ATP13A5: variants seen among roughly 807,000 people sequenced by gnomAD.
ATP13A5 encodes the protein ATPase 13A5, also known as probable cation-transporting ATPase 13A5.
Under a neutral mutation model 150.2 loss-of-function variants are expected in ATP13A5, and 149 were observed. The ratio of observed to expected loss-of-function variants is 0.99; its 90% CI spans 0.87 to 1.14. ATP13A5 has a LOEUF of 1.14. Ranked by LOEUF, ATP13A5 falls within the 50% of genes most tolerant of loss-of-function variation. The pLI is 0.00. For missense variants in ATP13A5, 1,383 were observed against 1,449.3 expected (o/e 0.95, Z 0.74); for synonymous variants, 497 against 522.2 (o/e 0.95, Z 0.66).
At chr3:193,361,402 C>A (rs190766835) in intron 5 of ATP13A5, among the ~76,000 whole-genome samples, 120 of 152,214 alleles carry the variant, frequency 7.9e-4, no homozygotes, top group Non-Finnish European at 1.1e-3. Flanking sequence ...GGGTTGCTTG[C>A]TAAAAATGGG....
At chr3:193,312,782 GT>G (rs1553813883) in intron 19 of ATP13A5, 3 of 152,144 alleles carry the variant, frequency 2.0e-5, no homozygotes, top group Non-Finnish European at 4.4e-5. Flanking sequence ...AAAAATTGCT[GT>G]GCTGAATTGG....
At chr3:193,344,681 G>A (rs1712261931) in intron 8 of ATP13A5, among the ~76,000 whole-genome samples, 1 of 152,158 alleles carries the variant, frequency 6.6e-6, no homozygotes. Flanking sequence ...ACATGTGAAG[G>A]GGAGAGGGAA....
chr3:193,321,636 AAAAAC>A, intron 16 of ATP13A5, 40 bp downstream of exon 16: 1 of 1,601,680 alleles, frequency 6.2e-7, no homozygotes, highest in Non-Finnish European at 8.5e-7. Context: ...GTCTCAAAGA[AAAAAC>A]AAAAGTATTT....
rs1425705533 is a variant in ATP13A5 at position 193,321,898 on chromosome 3, A to G, written c.1759-61T>C. On this transcript the variant is annotated intron_variant, in intron 15 of 29. Transcript: ENST00000342358. ...TGCTAAGTGATATTTCCAAATGCAT[A>G]CCAACAAAAGGGCTTTACTGTGCAA... The G allele has an allele frequency of 3.2e-6, 5 of 1,575,878 alleles. No individual in the cohort carries two copies. The African/African-American group carries it at 4.1e-5, about 13-fold the overall frequency.
chr3:193,324,641 AAAC>A (rs1161836745), intron 14 of ATP13A5, among the ~76,000 whole-genome samples: 1 of 152,242 alleles, frequency 6.6e-6, no homozygotes, highest in Admixed American at 6.5e-5. Flanking sequence ...AACTTTGTTT[AAAC>A]AACAGTTCCC....
intron 26 of ATP13A5, among the ~76,000 whole-genome samples, 162 bp downstream of exon 26, chr3:193,289,723 T>C (rs1484361170): frequency 6.6e-6 from 1 of 151,962 alleles, no homozygotes; most frequent in Non-Finnish European, 1.5e-5. Context: ...TCCACCCCAG[T>C]AGTCCATGGA....
At chr3:193,378,574 T>C (rs1713724079) in intron 1 of ATP13A5, 89 bp downstream of exon 1, 1 of 1,174,416 alleles carries the variant, frequency 8.5e-7, no homozygotes, top group South Asian at 1.3e-5. Context: ...GAAGCATAAA[T>C]GCTACACTCT....
chr3:193,319,670 A>G (rs1239297549), intron 16 of ATP13A5, among the ~76,000 whole-genome samples: 2 of 152,184 alleles, frequency 1.3e-5, no homozygotes, highest in Non-Finnish European at 2.9e-5. Context: ...ACTCAGACAA[A>G]CTGGGTGTCA....
intron 27 of ATP13A5, among the ~76,000 whole-genome samples, chr3:193,280,197 C>T (rs963915437): frequency 6.6e-6 from 1 of 151,902 alleles, no homozygotes; most frequent in Non-Finnish European, 1.5e-5. Flanking sequence ...ACTACAGGCG[C>T]CCACCACCAT....
chr3:193,285,032 A>T lies in ATP13A5; in HGVS notation c.3108T>A (p.Pro1036=). The T allele has an allele frequency of 7.4e-6, 12 of 1,614,126 alleles. No homozygotes were observed. Among genetic ancestry groups the T allele is most frequent in the Non-Finnish European group, 1.0e-5 (12 of 1,179,970 alleles). Reference sequence around the variant, plus strand: ...TGGTCTCAAAACTTAAAATTGAACCAGGAATCAGAGTTGCATTTCCAGTCC... The same window carrying T: ...TGGTCTCAAAACTTAAAATTGAACCTGGAATCAGAGTTGCATTTCCAGTCC... ...RNWTGNATLI[P]GSILSFETTT... Residue 1036 remains proline, a synonymous_variant, in exon 27 of 30, where the codon CCT becomes CCA. Coordinates refer to ENST00000342358, the MANE Select transcript of ATP13A5 (RefSeq NM_198505.4).
At chr3:193,300,500 C>T (rs983719891) in intron 24 of ATP13A5, among the ~76,000 whole-genome samples, 28 of 152,120 alleles carry the variant, frequency 1.8e-4, no homozygotes, top group Non-Finnish European at 4.0e-4. Context: ...AATCTTGTGG[C>T]CCTCTTATTC....
Position 193,331,227 on chromosome 3 carries a change from C to T in ATP13A5, c.1357G>A (p.Gly453Ser). The T allele has an allele frequency of 6.2e-7, 1 of 1,614,048 alleles. No homozygotes were observed. ...PPVLPAALTIGNVYAQKRLKK... is the reference protein window; with the variant it reads ...PPVLPAALTISNVYAQKRLKK... ...AGTCTCTTCTGAGCATACACGTTGC[C>T]TATGGTCAGGGCAGCTGGCAGCACT... The change falls in exon 12 of 30, where the codon GGC becomes AGC. Residue 453 changes from glycine to serine, a missense_variant. Physicochemically the swap from Gly to Ser is moderately conservative, Grantham distance 56 (BLOSUM62 0). This residue lies in a region of ATP13A5 where 787 missense variants were observed against 771.9 expected (regional missense o/e 1.02). Transcript: ENST00000342358.
At chr3:193,362,761 CTTTCTTTCTTTCT>C (rs1713072528) in intron 3 of ATP13A5, 124 bp from the exon 4 acceptor site, 2 of 133,588 alleles carry the variant, frequency 1.5e-5, no homozygotes, top group African/African-American at 1.0e-4. Context: ...TTCTTTCTTT[CTTTCTTTCTTTCT>C]TTCTTTCTTT....
intron 9 of ATP13A5, among the ~76,000 whole-genome samples, chr3:193,338,483 G>C (rs1049397013): frequency 6.6e-6 from 1 of 152,184 alleles, no homozygotes; most frequent in Non-Finnish European, 1.5e-5. Context: ...TGCATCTCTT[G>C]AGATAATCAT....
intron 18 of ATP13A5, 104 bp downstream of exon 18, chr3:193,314,868 A>G: frequency 6.9e-7 from 1 of 1,447,374 alleles, no homozygotes; most frequent in Non-Finnish European, 9.4e-7. Flanking sequence ...CGACAACAGA[A>G]CATTTTTCCC....
At chr3:193,286,668 C>T (rs1248183076) in intron 26 of ATP13A5, among the ~76,000 whole-genome samples, 1 of 152,170 alleles carries the variant, frequency 6.6e-6, no homozygotes, top group Non-Finnish European at 1.5e-5. Flanking sequence ...CTCTCTTCCT[C>T]TCCTGGGGCC....
rs544560095 is a variant in ATP13A5 at position 193,303,793 on chromosome 3, G to A, written c.2678+1766C>T. 2.5e-3 allele frequency among the ~76,000 whole-genome samples: 377 copies of A among 150,778 alleles called. 2 individuals carry two copies. Among genetic ancestry groups the A allele is most frequent in the Non-Finnish European group, 3.4e-3 (232 of 67,866 alleles). On this transcript the variant is annotated intron_variant, in intron 23 of 29. Transcript: ENST00000342358. ...ATCCACTTCATTTGTATGTGTGTGT[G>A]TATATAAATATATATACACACACAC...
intron 16 of ATP13A5, among the ~76,000 whole-genome samples, chr3:193,321,221 C>T (rs1181956813): frequency 6.6e-6 from 1 of 152,206 alleles, no homozygotes; most frequent in African/African-American, 2.4e-5. Context: ...TGCCTCCCAG[C>T]CTTGAAATTA....
chr3:193,348,867 T>C (rs1412701163), intron 7 of ATP13A5, among the ~76,000 whole-genome samples: 3 of 152,168 alleles, frequency 2.0e-5, no homozygotes, highest in East Asian at 1.9e-4. Flanking sequence ...AATGGGACAG[T>C]GTGTATGTAG....
Sources: gnomAD v4.1 joint callset for allele counts (sites outside exome capture counted in the v4.1 genomes callset) on GRCh38, gnomAD v4.1.1 for gene constraint, gnomAD v4.1.1 regional missense constraint, MANE v1.5 for transcripts, NCBI Gene and HGNC (gene_info 2026-07-23, HGNC 2026-07-21) for gene names.